Variants in SLC4A4 observed in about 807,000 individuals in gnomAD.
SLC4A4 encodes electrogenic sodium bicarbonate cotransporter 1.
In SLC4A4, 27 loss-of-function variants were observed where a neutral mutation model predicts 111.5. The ratio of observed to expected loss-of-function variants is 0.24; its 90% CI spans 0.18 to 0.33. The LOEUF is 0.33. Among genes scored for constraint, SLC4A4 ranks in the 10% least tolerant of loss-of-function variants. The pLI, the probability that SLC4A4 is intolerant of heterozygous loss-of-function variation, is 1.00. For missense variants in SLC4A4, 909 were observed against 1,315.5 expected, an observed-to-expected ratio of 0.69 and a Z score of 4.78; for synonymous variants, 443 against 463.4, an observed-to-expected ratio of 0.96 and a Z score of 0.57.
intron 1 of SLC4A4, among the ~76,000 whole-genome samples, chr4:71,231,964 G>T (rs10033270): frequency 6.6e-6 from 1 of 152,192 alleles, no homozygotes. Context: ...ATTGACATTT[G>T]TGGTGTAAAG....
upstream of SLC4A4, among the ~76,000 whole-genome samples, chr4:71,186,588 C>T (rs987711079): frequency 6.6e-5 from 10 of 151,686 alleles, no homozygotes; most frequent in Admixed American, 3.9e-4. Context: ...AGAGCCCAAG[C>T]CCCCGGCGGA....
chr4:71,412,065 A>G (rs1218145279), intron 7 of SLC4A4, among the ~76,000 whole-genome samples: 3 of 152,270 alleles, frequency 2.0e-5, no homozygotes, highest in Non-Finnish European at 4.4e-5. Context: ...TTACAAATAC[A>G]CAAAACTGCC....
intron 1 of SLC4A4, among the ~76,000 whole-genome samples, chr4:71,204,116 G>A (rs1291045864): frequency 2.0e-5 from 3 of 152,144 alleles, no homozygotes; most frequent in African/African-American, 7.2e-5. Context: ...TGATCTAATG[G>A]TCTAAATGAA....
chr4:71,103,086 C>CT lies in SLC4A4; in HGVS notation c.-2+10294_-2+10295insT, dbSNP rs1378745033. Among the ~76,000 whole-genome samples the CT allele has an allele frequency of 2.3e-3, 350 of 151,448 alleles. 1 individual carries two copies. The highest frequency in any genetic ancestry group is 8.0e-3 in the African/African-American group (329 of 41,240). On this transcript the variant is annotated intron_variant, in intron 2 of 26. Transcript: ENST00000649996. ...AAAGGTTGGAGGAAGATCTACCAAG[C>CT]AAATGGAAAACAAAAAAAGGCAGGG...
intron 7 of SLC4A4, among the ~76,000 whole-genome samples, chr4:71,421,533 A>T (rs1170701214): frequency 6.6e-6 from 1 of 152,078 alleles, no homozygotes; most frequent in African/African-American, 2.4e-5. Flanking sequence ...CAGAATATAC[A>T]TTTTTTTCAG....
intron 2 of SLC4A4, among the ~76,000 whole-genome samples, chr4:71,102,021 G>A (rs1246230650): frequency 1.3e-5 from 2 of 150,230 alleles, no homozygotes; most frequent in East Asian, 2.0e-4. Context: ...TGAAAACTTT[G>A]AAAAAAAATT....
At chr4:71,085,877 GGC>G (rs1265095451) in intron 1 of SLC4A4, among the ~76,000 whole-genome samples, 1 of 151,974 alleles carries the variant, frequency 6.6e-6, no homozygotes, top group Admixed American at 6.6e-5. Flanking sequence ...GGATTGACTT[GGC>G]AATGTGGGCT....
intron 3 of SLC4A4, among the ~76,000 whole-genome samples, chr4:71,305,743 G>A (rs1312689293): frequency 6.6e-6 from 1 of 152,186 alleles, no homozygotes. Flanking sequence ...CACACTGTAC[G>A]AGGAATCTAG....
intron 3 of SLC4A4, among the ~76,000 whole-genome samples, chr4:71,266,019 T>C (rs1722229910): frequency 6.6e-6 from 1 of 152,178 alleles, no homozygotes; most frequent in Non-Finnish European, 1.5e-5. Flanking sequence ...ATACTTTTTA[T>C]AGGAGGTGAC....
intron 2 of SLC4A4, among the ~76,000 whole-genome samples, chr4:71,177,961 G>T (rs1001295125): frequency 1.3e-5 from 2 of 152,144 alleles, no homozygotes; most frequent in Non-Finnish European, 2.9e-5. Context: ...TAAAAGAACA[G>T]AAATTATAAC....
intron 3 of SLC4A4, among the ~76,000 whole-genome samples, chr4:71,303,884 C>T (rs1433895740): frequency 6.6e-6 from 1 of 151,966 alleles, no homozygotes; most frequent in Non-Finnish European, 1.5e-5. Context: ...ATCTTGAAAA[C>T]CCCAGATTCA....
intron 1 of SLC4A4, among the ~76,000 whole-genome samples, chr4:71,064,091 T>C (rs1253501681): frequency 6.6e-6 from 1 of 151,958 alleles, no homozygotes; most frequent in Non-Finnish European, 1.5e-5. Flanking sequence ...AAATAAAAAA[T>C]TAAAAAAAAT....
chr4:71,517,196 C>T (rs192170376), intron 16 of SLC4A4, among the ~76,000 whole-genome samples: 1 of 152,160 alleles, frequency 6.6e-6, no homozygotes, highest in East Asian at 1.9e-4. Flanking sequence ...CCCTTTGTCT[C>T]TCTCTTTTTC....
intron 3 of SLC4A4, among the ~76,000 whole-genome samples, chr4:71,289,408 T>C (rs1411143502): frequency 2.0e-5 from 3 of 152,224 alleles, no homozygotes; most frequent in African/African-American, 7.2e-5. Context: ...GGATACCTGC[T>C]GGTACTGCAC....
intron 2 of SLC4A4, among the ~76,000 whole-genome samples, chr4:71,175,974 C>T (rs1271795785): frequency 3.9e-5 from 6 of 152,174 alleles, no homozygotes; most frequent in Non-Finnish European, 7.3e-5. Flanking sequence ...TCCTCTGAGA[C>T]AAAACTTTCA....
intron 2 of SLC4A4, among the ~76,000 whole-genome samples, chr4:71,103,671 A>G (rs1742828288): frequency 6.6e-6 from 1 of 152,166 alleles, no homozygotes; most frequent in African/African-American, 2.4e-5. Flanking sequence ...CTGAATGACT[A>G]CCGGATACAT....
chr4:71,218,934 G>A (rs530198785), intron 1 of SLC4A4, among the ~76,000 whole-genome samples: 2 of 152,268 alleles, frequency 1.3e-5, no homozygotes, highest in South Asian at 2.1e-4. Flanking sequence ...GGACTATGCT[G>A]TCACTGGGAA....
At chr4:71,070,320 T>G (rs1741632044) in intron 1 of SLC4A4, among the ~76,000 whole-genome samples, 1 of 152,204 alleles carries the variant, frequency 6.6e-6, no homozygotes. Flanking sequence ...TTTGGGGGGC[T>G]CTGTTTATTA....
intron 2 of SLC4A4, among the ~76,000 whole-genome samples, chr4:71,123,186 A>G (rs1743480541): frequency 6.6e-6 from 1 of 152,200 alleles, no homozygotes; most frequent in African/African-American, 2.4e-5. Flanking sequence ...TTCCAGGAAG[A>G]GAGAAAGCAA....
Sources: allele counts gnomAD v4.1 joint callset (sites outside exome capture counted in the v4.1 genomes callset), GRCh38; gene constraint gnomAD v4.1.1; transcripts MANE v1.5; gene names NCBI Gene and HGNC (gene_info 2026-07-23, HGNC 2026-07-21).